TFCP2: variants seen among roughly 807,000 people sequenced by gnomAD.
The protein encoded by TFCP2 is alpha-globin transcription factor CP2.
TFCP2 carries 33 observed loss-of-function variants against 73.4 expected under a neutral mutation model. That is an observed-to-expected ratio of 0.45 (90% CI 0.34 to 0.60). The LOEUF is 0.60. Ranked by LOEUF, TFCP2 falls within the 20% of genes least tolerant of loss-of-function variation. The probability of loss-of-function intolerance (pLI) is 0.01; values close to 1 mark genes in which losing one functional copy is unlikely to be tolerated. For missense variants in TFCP2, 352 were observed against 604.0 expected, an observed-to-expected ratio of 0.58 and a Z score of 4.37; for synonymous variants, 193 against 211.6, an observed-to-expected ratio of 0.91 and a Z score of 0.76.
At chr12:51,170,868 C>T (rs1388326638) in intron 1 of TFCP2, among the ~76,000 whole-genome samples, 2 of 151,864 alleles carry the variant, frequency 1.3e-5, no homozygotes, top group Non-Finnish European at 2.9e-5. Flanking sequence ...TTAGTAGAGA[C>T]GGGGTTTCAC....
At position 51,166,230 on chromosome 12, in the gene TFCP2, G is replaced by A. The variant is rs185656685; in HGVS notation, c.122+6071C>T. 6.6e-5 allele frequency among the ~76,000 whole-genome samples: 10 copies of A among 151,722 alleles called. No homozygotes were observed. The East Asian group carries it at 1.7e-3, about 26-fold the overall frequency. On this transcript the variant is annotated intron_variant, in intron 1 of 14. Coordinates refer to ENST00000257915, the MANE Select transcript of TFCP2 (RefSeq NM_005653.5). ...CTTGGGAGGCTGAGGCAGGAGAATC[G>A]CTTGAAGCTGGGAGGCAGTTGCAGT... is the stretch of plus-strand genomic sequence containing the variant.
intron 1 of TFCP2, among the ~76,000 whole-genome samples, chr12:51,123,777 T>G (rs1940737603): frequency 6.6e-6 from 1 of 152,194 alleles, no homozygotes; most frequent in Admixed American, 6.5e-5. Context: ...TTCTCTTTCC[T>G]GTTCTTAGCA....
chr12:51,154,555 G>A lies in TFCP2; in HGVS notation c.122+17746C>T, dbSNP rs559326081. On this transcript the variant is annotated intron_variant, in intron 1 of 14. Transcript: ENST00000257915. ...TTAAAAATACAGAAATTAGCCAGGC[G>A]TGGTGGCAGGTGCCTGTAATCTCAG... 3.2e-3 allele frequency among the ~76,000 whole-genome samples: 494 copies of A among 152,196 alleles called. 1 individual carries two copies. Among genetic ancestry groups the A allele is most frequent in the African/African-American group, 0.011 (469 of 41,532 alleles).
chr12:51,172,540 T>C lies in TFCP2; in HGVS notation c.-118A>G, dbSNP rs1941884175. 3 of 1,404,624 alleles carry C rather than the reference T, an allele frequency of 2.1e-6. No homozygotes were observed. The highest frequency in any genetic ancestry group is 2.8e-5 in the African/African-American group (2 of 70,748). 87.0% of individuals were successfully genotyped at this position (1,404,624 alleles called of 1,614,324 possible). ...CTACAAACCAAGGTTTCCCACGCAG[T>C]GCCCACCAGCCACCCCCAAGCCCGA... is the stretch of plus-strand genomic sequence containing the variant. On this transcript the variant is annotated 5_prime_UTR_variant, in exon 1 of 15. Coordinates refer to ENST00000257915, the MANE Select transcript of TFCP2 (RefSeq NM_005653.5).
intron 6 of TFCP2, among the ~76,000 whole-genome samples, chr12:51,108,373 G>T (rs61932870): frequency 0.021 from 3,137 of 152,238 alleles, 55 homozygotes; most frequent in Non-Finnish European, 0.031. Context: ...GGTTGTGGAG[G>T]GGGTCAGTGT....
At position 51,095,125 on chromosome 12, in the gene TFCP2, C is replaced by T; in HGVS notation, c.*116G>A. The T allele has an allele frequency of 8.5e-7, 1 of 1,177,774 alleles. No individual in the cohort carries two copies. The highest frequency in any genetic ancestry group is 1.3e-6 in the Non-Finnish European group (1 of 785,824). 73.0% of individuals were successfully genotyped at this position (1,177,774 alleles called of 1,614,324 possible). On this transcript the variant is annotated 3_prime_UTR_variant, in exon 15 of 15. Coordinates refer to ENST00000257915, the MANE Select transcript of TFCP2 (RefSeq NM_005653.5). ...TCCATGGCCTGGACTCCTCCACACA[C>T]AGTCAGACGAGTCAGGTTCTTGCAG...
At chr12:51,115,866 A>C (rs1940521244) in intron 4 of TFCP2, among the ~76,000 whole-genome samples, 1 of 152,248 alleles carries the variant, frequency 6.6e-6, no homozygotes, top group Non-Finnish European at 1.5e-5. Context: ...AGAAAGGAGA[A>C]TAGTGGTTAC....
intron 1 of TFCP2, among the ~76,000 whole-genome samples, chr12:51,144,166 G>A (rs933089937): frequency 6.6e-6 from 1 of 152,052 alleles, no homozygotes; most frequent in African/African-American, 2.4e-5. Flanking sequence ...TTGAGTAGCT[G>A]GGACTACAGG....
chr12:51,117,559 AG>A, intron 3 of TFCP2, 111 bp downstream of exon 3: 1 of 772,950 alleles, frequency 1.3e-6, no homozygotes, highest in Middle Eastern at 2.4e-4. Flanking sequence ...TGCAGGCAAG[AG>A]ATACCATTAA....
intron 1 of TFCP2, among the ~76,000 whole-genome samples, chr12:51,171,262 C>A (rs1266460870): frequency 6.6e-6 from 1 of 152,184 alleles, no homozygotes; most frequent in Non-Finnish European, 1.5e-5. Flanking sequence ...TTCAACATTT[C>A]CATACAGGAT....
intron 1 of TFCP2, among the ~76,000 whole-genome samples, chr12:51,149,024 C>CAAAAAAA (rs60318954): frequency 0.011 from 414 of 37,968 alleles, 53 homozygotes; most frequent in African/African-American, 0.032. Context: ...GACTCCATCT[C>CAAAAAAA]AAAAAAAAAA....
At chr12:51,134,747 C>T (rs1941023364) in intron 1 of TFCP2, among the ~76,000 whole-genome samples, 1 of 152,114 alleles carries the variant, frequency 6.6e-6, no homozygotes, top group Non-Finnish European at 1.5e-5. Context: ...TAATAAAAGA[C>T]AAGTCTAAAA....
intron 1 of TFCP2, among the ~76,000 whole-genome samples, chr12:51,165,512 A>G (rs1941738369): frequency 6.6e-6 from 1 of 152,036 alleles, no homozygotes; most frequent in Admixed American, 6.6e-5. Flanking sequence ...TCACAAAAGG[A>G]CAAATATATG....
chr12:51,122,332 C>T (rs1425056340), intron 1 of TFCP2, among the ~76,000 whole-genome samples: 1 of 141,234 alleles, frequency 7.1e-6, no homozygotes, highest in East Asian at 2.1e-4. Context: ...CATCTTGGCT[C>T]ACTGCAACCC....
intron 1 of TFCP2, among the ~76,000 whole-genome samples, chr12:51,123,586 ATTT>A (rs894873654): frequency 6.6e-6 from 1 of 151,746 alleles, no homozygotes; most frequent in Non-Finnish European, 1.5e-5. Flanking sequence ...TATTTAATTC[ATTT>A]TTTTATTTTT....
intron 6 of TFCP2, 101 bp from the exon 7 acceptor site, chr12:51,107,447 T>C (rs1187715199): frequency 2.2e-5 from 19 of 869,632 alleles, no homozygotes; most frequent in Non-Finnish European, 3.2e-5. Context: ...CAAAATTGTA[T>C]GTGCAGTGAT....
At chr12:51,096,956 TTTC>T (rs1461105567) in intron 13 of TFCP2, among the ~76,000 whole-genome samples, 1 of 151,642 alleles carries the variant, frequency 6.6e-6, no homozygotes, top group Non-Finnish European at 1.5e-5. Flanking sequence ...GTAATAATTT[TTTC>T]TTAATTTTTT....
intron 1 of TFCP2, among the ~76,000 whole-genome samples, chr12:51,138,838 A>C (rs930473854): frequency 6.6e-6 from 1 of 151,944 alleles, no homozygotes; most frequent in Non-Finnish European, 1.5e-5. Context: ...GGGTTTCTCC[A>C]TGTTGGTCAG....
intron 4 of TFCP2, among the ~76,000 whole-genome samples, chr12:51,111,977 C>A (rs1351075981): frequency 6.6e-6 from 1 of 151,940 alleles, no homozygotes; most frequent in African/African-American, 2.4e-5. Flanking sequence ...GCCAACATGG[C>A]GAAACCCCGT....
Sources: gnomAD v4.1 joint callset for allele counts (sites outside exome capture counted in the v4.1 genomes callset) on GRCh38, gnomAD v4.1.1 for gene constraint, MANE v1.5 for transcripts, NCBI Gene and HGNC (gene_info 2026-07-23, HGNC 2026-07-21) for gene names.